The following PCDHA8 variants were observed in gnomAD, a reference collection of about 807,000 sequenced individuals.
PCDHA8 encodes the protein protocadherin alpha-8.
In PCDHA8, 53 loss-of-function variants were observed where a neutral mutation model predicts 61.8. That is an observed-to-expected ratio of 0.86 (90% CI 0.69 to 1.08). PCDHA8 has a LOEUF of 1.08. PCDHA8 is among the 50% of genes least tolerant of loss of function. PCDHA8 has a pLI of 0.00. For missense variants in PCDHA8, 1,293 were observed against 1,245.0 expected, an observed-to-expected ratio of 1.04 and a Z score of -0.58; for synonymous variants, 618 against 556.6, an observed-to-expected ratio of 1.11 and a Z score of -1.55.
intron 1 of PCDHA8, chr5:140,867,266 A>G (rs553827522): frequency 2.6e-5 from 4 of 152,196 alleles, no homozygotes; most frequent in African/African-American, 9.6e-5. Flanking sequence ...CTTTTGTTCA[A>G]AATAAACCTG....
At chr5:140,872,207 T>C (rs1372716316) in intron 1 of PCDHA8, among the ~76,000 whole-genome samples, 1 of 152,224 alleles carries the variant, frequency 6.6e-6, no homozygotes, top group African/African-American at 2.4e-5. Flanking sequence ...ATAAATTCAT[T>C]ATATATGAAA....
intron 3 of PCDHA8, among the ~76,000 whole-genome samples, chr5:140,990,610 C>T (rs781969043): frequency 4.6e-5 from 7 of 152,080 alleles, no homozygotes; most frequent in African/African-American, 9.7e-5. Flanking sequence ...AGATGAATAC[C>T]GTAAAGGTCT....
rs1554139039 is a variant in PCDHA8 at position 140,842,441 on chromosome 5, G to T, written c.1120G>T (p.Val374Leu). 3 of 1,613,636 alleles carry T rather than the reference G, an allele frequency of 1.9e-6. No homozygotes were observed. The highest frequency in any genetic ancestry group is 2.5e-6 in the Non-Finnish European group (3 of 1,179,766). The change falls in exon 1 of 4, where the codon GTG becomes TTG. Residue 374 changes from valine to leucine, a missense_variant. By Grantham distance (32) the Val-to-Leu change is conservative. Coordinates refer to ENST00000531613, the MANE Select transcript of PCDHA8 (RefSeq NM_018911.3). Reference protein sequence around the residue: ...QFGTVIALISVNDLDSGANGQ... With the variant: ...QFGTVIALISLNDLDSGANGQ... Reference sequence around the variant, plus strand: ...TGGTACTGTCATCGCCCTAATTAGCGTGAACGACCTCGATTCAGGTGCCAA... The same window carrying T: ...TGGTACTGTCATCGCCCTAATTAGCTTGAACGACCTCGATTCAGGTGCCAA...
chr5:140,972,733 G>A (rs1037610917), intron 1 of PCDHA8, among the ~76,000 whole-genome samples: 7 of 147,652 alleles, frequency 4.7e-5, no homozygotes, highest in Non-Finnish European at 7.4e-5. Context: ...GCGTAATCCC[G>A]GCTCACTGCA....
At chr5:140,848,597 C>A (rs151001396) in intron 1 of PCDHA8, 1 of 1,580,556 alleles carries the variant, frequency 6.3e-7, no homozygotes, top group Non-Finnish European at 8.7e-7. Context: ...TCCACTACTC[C>A]GTCCCGGAGG....
rs148181752 is a variant in PCDHA8, at chr5:140,966,860, TTGCTGC to T, written c.2395-12081_2395-12076del. 7,760 of 1,577,476 alleles carry T rather than the reference TTGCTGC, an allele frequency of 4.9e-3. 268 individuals are homozygous for T. The African/African-American group carries it at 0.086, about 18-fold the overall frequency. ...GCTGCTACTGCCTCTCCTGCTGCTG[TTGCTGC>T]TGCTGCTACCTGGCCCTGCGGCCTC... On this transcript the variant is annotated intron_variant, in intron 1 of 3. Coordinates refer to ENST00000531613, the MANE Select transcript of PCDHA8 (RefSeq NM_018911.3).
chr5:140,929,992 C>T (rs1015837723), intron 1 of PCDHA8: 7 of 152,300 alleles, frequency 4.6e-5, no homozygotes, highest in East Asian at 1.9e-4. Flanking sequence ...TTGGGAATGA[C>T]ACCCTAAAAC....
chr5:140,850,957 C>T (rs2150503952), intron 1 of PCDHA8: 2 of 1,481,512 alleles, frequency 1.3e-6, no homozygotes, highest in Non-Finnish European at 9.0e-7. Context: ...CGATTACTCC[C>T]AGGGGCCGTT....
At chr5:141,007,806 T>G (rs979059299) in intron 3 of PCDHA8, among the ~76,000 whole-genome samples, 12 of 152,220 alleles carry the variant, frequency 7.9e-5, no homozygotes, top group Non-Finnish European at 1.3e-4. Context: ...TATCTGCCAT[T>G]CATTTGCCTT....
At chr5:140,971,487 C>T (rs1285006281) in intron 1 of PCDHA8, among the ~76,000 whole-genome samples, 1 of 152,110 alleles carries the variant, frequency 6.6e-6, no homozygotes, top group African/African-American at 2.4e-5. Flanking sequence ...CACATTGTTA[C>T]AGTGTGGCAA....
intron 1 of PCDHA8, chr5:140,927,597 C>T (rs781933372): frequency 1.2e-6 from 2 of 1,614,200 alleles, no homozygotes; most frequent in South Asian, 1.1e-5. Context: ...TATTTGAGCG[C>T]TCCGTATACC....
intron 1 of PCDHA8, among the ~76,000 whole-genome samples, chr5:140,921,890 G>A (rs1167996919): frequency 1.3e-5 from 2 of 151,710 alleles, no homozygotes; most frequent in African/African-American, 2.4e-5. Flanking sequence ...ATTTTAGAAA[G>A]GAGGATAAAT....
Position 140,988,326 on chromosome 5 carries a change from G to A in PCDHA8, c.2542+5763G>A, listed in dbSNP as rs144904425. 8.4e-3 allele frequency among the ~76,000 whole-genome samples: 1,281 copies of A among 152,296 alleles called. 12 individuals carry two copies. The highest frequency in any genetic ancestry group is 0.014 in the Non-Finnish European group (960 of 68,020). ...CAGCTTGGCTTGGCTTTCTCTACCC[G>A]AGGAAAGTAAGTCCTTTTAAGATGC... On this transcript the variant is annotated intron_variant, in intron 3 of 3. Coordinates refer to ENST00000531613, the MANE Select transcript of PCDHA8 (RefSeq NM_018911.3).
intron 1 of PCDHA8, among the ~76,000 whole-genome samples, chr5:140,940,595 G>A (rs1233586288): frequency 2.0e-5 from 3 of 152,100 alleles, no homozygotes; most frequent in East Asian, 1.9e-4. Context: ...TTTCAGGCAT[G>A]AGCCGCTGCT....
At chr5:140,977,097 G>T (rs988046010) in intron 1 of PCDHA8, among the ~76,000 whole-genome samples, 2 of 152,222 alleles carry the variant, frequency 1.3e-5, no homozygotes, top group African/African-American at 4.8e-5. Flanking sequence ...GTGTCATTGG[G>T]GAAGTGAGAT....
intron 1 of PCDHA8, among the ~76,000 whole-genome samples, chr5:140,943,997 T>C (rs1387803558): frequency 2.0e-5 from 3 of 152,178 alleles, no homozygotes; most frequent in African/African-American, 7.2e-5. Flanking sequence ...ACAGAACTAC[T>C]GAGTACCCCC....
At chr5:140,976,148 C>T (rs1563445972) in intron 1 of PCDHA8, among the ~76,000 whole-genome samples, 1 of 152,160 alleles carries the variant, frequency 6.6e-6, no homozygotes, top group Non-Finnish European at 1.5e-5. Flanking sequence ...AACTCATGTA[C>T]ATTTTACTAC....
intron 1 of PCDHA8, chr5:140,927,348 C>T (rs2153588187): frequency 1.2e-6 from 2 of 1,613,982 alleles, no homozygotes; most frequent in South Asian, 1.1e-5. Flanking sequence ...AAGATGACGA[C>T]GAGGGAAGCA....
At chr5:140,859,551 A>G (rs1258931011) in intron 1 of PCDHA8, 1 of 180,640 alleles carries the variant, frequency 5.5e-6, no homozygotes, top group African/African-American at 2.4e-5. Flanking sequence ...AGTGTTACCA[A>G]ACACCAATGC....
Sources: gnomAD v4.1 joint callset for allele counts (sites outside exome capture counted in the v4.1 genomes callset) on GRCh38, gnomAD v4.1.1 for gene constraint, MANE v1.5 for transcripts, NCBI Gene and HGNC (gene_info 2026-07-23, HGNC 2026-07-21) for gene names.